The following QTRT1 variants were observed in gnomAD, a reference collection of about 807,000 sequenced individuals.
QTRT1 encodes queuine tRNA-ribosyltransferase catalytic subunit 1, also known as TGT, 43-KD subunit.
QTRT1 carries 41 observed loss-of-function variants against 44.0 expected under a neutral mutation model. That is an observed-to-expected ratio of 0.93 (90% CI 0.73 to 1.21). QTRT1 has a LOEUF of 1.21. Ranked by LOEUF, QTRT1 falls within the 50% of genes most tolerant of loss-of-function variation. The pLI is 0.00. For synonymous variants in QTRT1, 226 were observed against 237.1 expected, an observed-to-expected ratio of 0.95 and a Z score of 0.43; for missense variants, 542 against 575.8, an observed-to-expected ratio of 0.94 and a Z score of 0.60.
At chr19:10,710,377 C>T (rs940701732) in intron 5 of QTRT1, among the ~76,000 whole-genome samples, 10 of 151,814 alleles carry the variant, frequency 6.6e-5, no homozygotes, top group South Asian at 2.1e-4. Context: ...AGTGCAGTGG[C>T]ACCATCTCGG....
intron 3 of QTRT1, among the ~76,000 whole-genome samples, chr19:10,704,137 A>G (rs2068702066): frequency 6.6e-6 from 1 of 151,466 alleles, no homozygotes; most frequent in South Asian, 2.1e-4. Flanking sequence ...GTGAGCCACC[A>G]TGCCCGGCCA....
At chr19:10,708,063 C>G (rs1178240689) in intron 5 of QTRT1, among the ~76,000 whole-genome samples, 1 of 151,700 alleles carries the variant, frequency 6.6e-6, no homozygotes, top group Non-Finnish European at 1.5e-5. Context: ...CTCCCGGGTT[C>G]AATCTATTCT....
intron 5 of QTRT1, among the ~76,000 whole-genome samples, chr19:10,710,100 GC>G (rs1231653560): frequency 1.3e-5 from 2 of 151,554 alleles, no homozygotes; most frequent in African/African-American, 4.9e-5. Context: ...TGGGAGGATC[GC>G]TTGAGCCCAG....
Position 10,701,483 on chromosome 19 carries a change from C to A in QTRT1, c.23C>A (p.Ala8Asp), listed in dbSNP as rs749616579. Residue 8 changes from alanine (A) to aspartate (D), a missense_variant, in exon 1 of 10, where the codon GCT becomes GAT. By Grantham distance (126) the Ala-to-Asp change is moderately radical. Coordinates refer to ENST00000250237, the MANE Select transcript of QTRT1 (RefSeq NM_031209.3). ...AAGATGGCGGGAGCAGCTACCCAGG[C>A]TTCCCTGGAGTCGGCCCCACGGATC... is the stretch of plus-strand genomic sequence containing the variant. MAGAATQ[A>D]SLESAPRIMR... 5 of 1,567,506 alleles carry A rather than the reference C, an allele frequency of 3.2e-6. No individual in the cohort carries two copies. Among genetic ancestry groups the A allele is most frequent in the South Asian group, 1.2e-5 (1 of 85,726 alleles).
intron 3 of QTRT1, among the ~76,000 whole-genome samples, chr19:10,702,759 CTTTTTTTTTTTT>C (rs34948949): frequency 0.014 from 942 of 68,656 alleles, 15 homozygotes; most frequent in African/African-American, 0.05. Flanking sequence ...CAATATCCTT[CTTTTTTTTTTTT>C]TTTTTTTTTT....
chr19:10,702,010 C>G lies in QTRT1; in HGVS notation c.304C>G (p.Leu102Val). Residue 102 changes from leucine to valine, a missense_variant, in exon 2 of 10, where the codon CTG becomes GTG. Transcript: ENST00000250237. ...LHGFMNWPHN[L>V]LTDSGGFQMV... ...CGGCTTCATGAATTGGCCTCATAAT[C>G]TGCTAACGGTGAGCTGAGGAGAGAG... The G allele has an allele frequency of 6.2e-7, 1 of 1,614,240 alleles. No individual in the cohort carries two copies. The highest frequency in any genetic ancestry group is 8.5e-7 in the Non-Finnish European group (1 of 1,180,038).
intron 3 of QTRT1, among the ~76,000 whole-genome samples, chr19:10,705,680 T>C (rs2068710136): frequency 6.6e-6 from 1 of 151,070 alleles, no homozygotes; most frequent in Non-Finnish European, 1.5e-5. Flanking sequence ...GGACTTCAGG[T>C]GCATGCCACC....
chr19:10,702,322 T>C, intron 3 of QTRT1, 68 bp downstream of exon 3: 1 of 1,551,090 alleles, frequency 6.4e-7, no homozygotes. Flanking sequence ...ACGGGGCCTG[T>C]TTTTTAGCTG....
chr19:10,704,634 C>A (rs1473818758), intron 3 of QTRT1, among the ~76,000 whole-genome samples: 1 of 151,614 alleles, frequency 6.6e-6, no homozygotes. Flanking sequence ...GTTGCCCAGG[C>A]TGGAGTGCAA....
intron 5 of QTRT1, 71 bp downstream of exon 5, chr19:10,707,686 G>A (rs1389669899): frequency 1.4e-5 from 16 of 1,151,714 alleles, no homozygotes; most frequent in African/African-American, 3.1e-5. Flanking sequence ...GGCGTATGGC[G>A]GGACTGGATT....
rs1290933164 is a variant in QTRT1 at position 10,712,255 on chromosome 19, C to T, written c.741C>T (p.Thr247=). ...SQFWRMVALS[T]SRLPKDKPRY... ...TCTGGCGGATGGTGGCGCTGAGCAC[C>T]TCTCGGCTGCCGAAGGACAAGCCCC... The change falls in exon 6 of 10, where the codon ACC becomes ACT. Residue 247 remains threonine, a synonymous_variant. Transcript: ENST00000250237. This position sits in a 1 kb window ranked among gnomAD's most constrained non-coding sequence, Gnocchi z 5.6. 1.2e-6 allele frequency: 2 copies of T among 1,614,052 alleles called. No homozygotes were observed. Among genetic ancestry groups the T allele is most frequent in the Non-Finnish European group, 1.7e-6 (2 of 1,180,006 alleles).
intron 5 of QTRT1, among the ~76,000 whole-genome samples, chr19:10,708,499 C>G (rs17698215): frequency 1.6e-4 from 24 of 152,008 alleles, no homozygotes; most frequent in Non-Finnish European, 1.0e-4. Context: ...ACAACCCGTG[C>G]GTCATCAAAG....
chr19:10,712,840 C>T lies in QTRT1; in HGVS notation c.944C>T (p.Pro315Leu), dbSNP rs777119621. The stretch of plus-strand genomic sequence containing the variant: ...GAGAAGGACTTCGGCCCCATAGACC[C>T]GGAGTGCACCTGCCCCACGTGCCAA... ...VFEKDFGPID[P>L]ECTCPTCQKH... Residue 315 changes from proline (P) to leucine (L), a missense_variant, in exon 8 of 10, where the codon CCG becomes CTG. Coordinates refer to ENST00000250237, the MANE Select transcript of QTRT1 (RefSeq NM_031209.3). The surrounding 1 kb of genome is among the most constrained non-coding windows in gnomAD (Gnocchi z 5.6). 3.9e-5 allele frequency: 63 copies of T among 1,613,824 alleles called. No individual in the cohort carries two copies. The highest frequency in any genetic ancestry group is 5.0e-5 in the Admixed American group (3 of 59,984).
In QTRT1 at chr19:10,713,244, G is replaced by T; in HGVS notation, c.1186G>T (p.Ala396Ser). Residue 396 changes from alanine to serine, a missense_variant, in exon 10 of 10, where the codon GCC (alanine) becomes TCC (serine). By Grantham distance (99) the Ala-to-Ser change is moderately conservative. Coordinates refer to ENST00000250237, the MANE Select transcript of QTRT1 (RefSeq NM_031209.3). The surrounding 1 kb of genome is among the most constrained non-coding windows in gnomAD (Gnocchi z 4.3). Reference sequence around the variant, plus strand: ...TCCCACCTGGGCCACTGACGCTCTGGCCTCTGTGGGAATCACACTGGGCTG... The same window carrying T: ...TCCCACCTGGGCCACTGACGCTCTGTCCTCTGTGGGAATCACACTGGGCTG... ...LCPTWATDALASVGITLG is the reference protein window; with the variant it reads ...LCPTWATDALSSVGITLG 8 of 1,595,734 alleles carry T rather than the reference G, an allele frequency of 5.0e-6. No individual in the cohort carries two copies. Among genetic ancestry groups the T allele is most frequent in the Non-Finnish European group, 6.8e-6 (8 of 1,170,954 alleles).
At chr19:10,710,529 C>T (rs1316018206) in intron 5 of QTRT1, among the ~76,000 whole-genome samples, 2 of 152,064 alleles carry the variant, frequency 1.3e-5, no homozygotes, top group Non-Finnish European at 2.9e-5. Context: ...GTTGGCCAGG[C>T]TGGTCTCGAA....
intron 5 of QTRT1, 108 bp downstream of exon 5, chr19:10,707,723 A>G: frequency 1.4e-6 from 1 of 736,606 alleles, no homozygotes; most frequent in Non-Finnish European, 2.1e-6. Flanking sequence ...GCACTGCGCT[A>G]GAAAAAATAG....
intron 1 of QTRT1, 58 bp from the exon 2 acceptor site, chr19:10,701,892 A>T: frequency 6.2e-7 from 1 of 1,601,576 alleles, no homozygotes; most frequent in Non-Finnish European, 8.6e-7. Flanking sequence ...CTGTCTCCCA[A>T]GAAGGGCCCC....
chr19:10,712,257 C>G lies in QTRT1; in HGVS notation c.743C>G (p.Ser248Cys). ...TGGCGGATGGTGGCGCTGAGCACCT[C>G]TCGGCTGCCGAAGGACAAGCCCCGA... The part of the protein sequence containing the change: ...QFWRMVALST[S>C]RLPKDKPRYL... The change falls in exon 6 of 10, where the codon TCT (serine) becomes TGT (cysteine). Residue 248 changes from serine (S) to cysteine (C), a missense_variant. Physicochemically the swap from Ser to Cys is moderately radical, Grantham distance 112. Transcript: ENST00000250237. The surrounding 1 kb of genome is among the most constrained non-coding windows in gnomAD (Gnocchi z 5.6). The G allele has an allele frequency of 6.2e-7, 1 of 1,614,028 alleles. No homozygotes were observed. The highest frequency in any genetic ancestry group is 8.5e-7 in the Non-Finnish European group (1 of 1,179,988).
rs776902309 is a variant in QTRT1, at chr19:10,701,576, C to A, written c.116C>A (p.Thr39Lys). 6.2e-7 allele frequency: 1 copy of A among 1,608,790 alleles called. No individual in the cohort carries two copies. Among genetic ancestry groups the A allele is most frequent in the South Asian group, 1.1e-5 (1 of 90,616 alleles). Residue 39 changes from threonine (T) to lysine (K), a missense_variant, in exon 1 of 10, where the codon ACA (threonine) becomes AAA (lysine). By Grantham distance (78) the Thr-to-Lys change is moderately conservative. Coordinates refer to ENST00000250237, the MANE Select transcript of QTRT1 (RefSeq NM_031209.3). ...RAGELWLPHG[T>K]VATPVFMPVG... ...GGCGAGCTGTGGCTGCCGCATGGGA[C>A]AGTGGCCACTCCTGTGTTCATGCCA... is the stretch of plus-strand genomic sequence containing the variant.
Sources: gnomAD v4.1 joint callset for allele counts (sites outside exome capture counted in the v4.1 genomes callset) on GRCh38, gnomAD v4.1.1 for gene constraint, Gnocchi (gnomAD v3.1) non-coding constraint, MANE v1.5 for transcripts, NCBI Gene and HGNC (gene_info 2026-07-23, HGNC 2026-07-21) for gene names.